FAM131B: variants seen among roughly 807,000 people sequenced by gnomAD.
FAM131B encodes protein FAM131B.
Under a neutral mutation model 42.0 loss-of-function variants are expected in FAM131B, and 19 were observed. The ratio of observed to expected loss-of-function variants is 0.45; its 90% confidence interval spans 0.32 to 0.66. The LOEUF is 0.66. FAM131B is among the 30% of genes least tolerant of loss of function. The probability of loss-of-function intolerance (pLI) is 0.05; values close to 1 mark genes in which losing one functional copy is unlikely to be tolerated. For missense variants in FAM131B, 370 were observed against 468.4 expected (o/e 0.79, Z 1.94); for synonymous variants, 183 against 177.6 (o/e 1.03, Z -0.24).
At chr7:143,357,210 A>G (rs940907038) in intron 6 of FAM131B, 70 bp downstream of exon 6, 2 of 1,497,122 alleles carry the variant, frequency 1.3e-6, no homozygotes, top group Non-Finnish European at 1.8e-6. Flanking sequence ...AACGGAGCTG[A>G]GTGGAGGCAG....
chr7:143,373,960 G>C, the FAM131B span, among the ~76,000 whole-genome samples: 4 of 152,102 alleles, frequency 2.6e-5, no homozygotes, highest in African/African-American at 9.7e-5. Context: ...CCTTGCATCT[G>C]AGTGAGGGTG....
chr7:143,356,680 C>T lies in FAM131B; in HGVS notation c.953G>A (p.Cys318Tyr), dbSNP rs770914806. The change falls in exon 7 of 7, where the codon TGC (cysteine) becomes TAC (tyrosine). Residue 318 changes from cysteine (C) to tyrosine (Y), a missense_variant. By Grantham distance (194) the Cys-to-Tyr change is radical (BLOSUM62 -2). Transcript: ENST00000443739. This position sits in a 1 kb window ranked among gnomAD's most constrained non-coding sequence, Gnocchi z 4.4. Reference sequence around the variant, plus strand: ...TGGGGAAAGTGACTCCAGGTCCCGGCATCCCGCATCCTCTTCCTCCTCAGG... The same window carrying T: ...TGGGGAAAGTGACTCCAGGTCCCGGTATCCCGCATCCTCTTCCTCCTCAGG... ...LAPEEEEDAG[C>Y]RDLESLSPRE... is the part of the protein sequence containing the mutation. 1 of 1,614,148 alleles carries T rather than the reference C, an allele frequency of 6.2e-7. No individual in the cohort carries two copies. Among genetic ancestry groups the T allele is most frequent in the Non-Finnish European group, 8.5e-7 (1 of 1,180,024 alleles).
At chr7:143,365,440 G>C, upstream of FAM131B, among the ~76,000 whole-genome samples, 1 of 152,150 alleles carries the variant, frequency 6.6e-6, no homozygotes, top group East Asian at 1.9e-4. Flanking sequence ...ATATACAATT[G>C]ATTTAAAGAA....
rs765417027 is a variant in FAM131B at position 143,360,030 on chromosome 7, G to A, written c.138+10C>T. 4 of 1,601,696 alleles carry A rather than the reference G, an allele frequency of 2.5e-6. No individual in the cohort carries two copies. In the South Asian group the frequency reaches 4.4e-5, roughly 18 times the overall value. On this transcript the variant is annotated intron_variant, in intron 2 of 6. Coordinates refer to ENST00000443739, the MANE Select transcript of FAM131B (RefSeq NM_001031690.3). ...AGCCAGAGACTTGGGGTGGCTGAGT[G>A]AGGTCTCACCTCAGTCGATGGCCGA...
the FAM131B span, chr7:143,381,574 G>A: frequency 6.2e-7 from 1 of 1,609,918 alleles, no homozygotes; most frequent in Non-Finnish European, 8.5e-7. Flanking sequence ...GCCCGGCCAT[G>A]GCGGCCCCCC....
chr7:143,380,729 C>G, the FAM131B span: 1 of 985,474 alleles, frequency 1.0e-6, no homozygotes, highest in Non-Finnish European at 1.2e-6. The surrounding 1 kb of genome is among the most constrained non-coding windows in gnomAD (Gnocchi z 5.0). Flanking sequence ...CCTCCGGGCA[C>G]AGAGTCAGCT....
rs966878416 is a variant in FAM131B, at chr7:143,356,031, G to A, written c.*519C>T. 69 of 159,812 alleles carry A rather than the reference G, an allele frequency of 4.3e-4. No individual in the cohort carries two copies. Among genetic ancestry groups the A allele is most frequent in the African/African-American group, 1.1e-3 (46 of 41,462 alleles). 9.9% of individuals were successfully genotyped at this position (159,812 alleles called of 1,614,324 possible). ...GTGCCCTTCAGGCAGCCTCCCCTGC[G>A]CCTGTCCAGCCATGTCCAACAGCCC... On this transcript the variant is annotated 3_prime_UTR_variant, in exon 7 of 7. Coordinates refer to ENST00000443739, the MANE Select transcript of FAM131B (RefSeq NM_001031690.3). This position sits in a 1 kb window ranked among gnomAD's most constrained non-coding sequence, Gnocchi z 4.4.
rs958575265 is a variant in FAM131B at position 143,354,581 on chromosome 7, C to G, written c.*1969G>C. ...GACGGGTGGGGAATAGCTGCCAGGG[C>G]GGGCATGCTAGACCACCTCTCAGAG... On this transcript the variant is annotated 3_prime_UTR_variant, in exon 7 of 7. Coordinates refer to ENST00000443739, the MANE Select transcript of FAM131B (RefSeq NM_001031690.3). 4 of 152,120 alleles carry G rather than the reference C, an allele frequency of 2.6e-5. No homozygotes were observed. The highest frequency in any genetic ancestry group is 4.8e-5 in the African/African-American group (2 of 41,398). 9.4% of individuals were successfully genotyped at this position (152,120 alleles called of 1,614,324 possible). A position where few individuals can be genotyped will look rare whatever the true frequency, so the allele number is the denominator to read the frequency against.
chr7:143,381,187 T>G, the FAM131B span: 5 of 991,460 alleles, frequency 5.0e-6, no homozygotes, highest in African/African-American at 8.7e-5. Flanking sequence ...CTGGGGGAGT[T>G]TCCTGCCTGG....
At position 143,359,066 on chromosome 7, in the gene FAM131B, C is replaced by T. The variant is rs1166013969; in HGVS notation, c.269-42G>A. The T allele has an allele frequency of 6.3e-7, 1 of 1,588,084 alleles. No homozygotes were observed. Among genetic ancestry groups the T allele is most frequent in the Non-Finnish European group, 8.6e-7 (1 of 1,162,802 alleles). The stretch of plus-strand genomic sequence containing the variant: ...TTCCCACATCCTCCAGAATATCACA[C>T]AATACCCATAACCAGACCCTCCCAG... On this transcript the variant is annotated intron_variant, in intron 4 of 6. Transcript: ENST00000443739. The surrounding 1 kb of genome is among the most constrained non-coding windows in gnomAD (Gnocchi z 5.4).
chr7:143,361,919 G>C, intron 1 of FAM131B: 3 of 234,654 alleles, frequency 1.3e-5, no homozygotes, highest in African/African-American at 2.6e-5. Flanking sequence ...TCTCCTCCCC[G>C]CGTCCCCCAG....
In FAM131B at chr7:143,358,439, G is replaced by A. The variant is rs190050884; in HGVS notation, c.466+388C>T. ...TTGTCACAAGTAATGAGTCTAGTAGGCAAATTCATGACTCGAAATGCTAAA... is the reference window on the plus strand; with the variant it reads ...TTGTCACAAGTAATGAGTCTAGTAGACAAATTCATGACTCGAAATGCTAAA... On this transcript the variant is annotated intron_variant, in intron 5 of 6. Transcript: ENST00000443739. This position sits in a 1 kb window ranked among gnomAD's most constrained non-coding sequence, Gnocchi z 4.7. 5.3e-5 allele frequency among the ~76,000 whole-genome samples: 8 copies of A among 152,240 alleles called. No individual in the cohort carries two copies. The highest frequency in any genetic ancestry group is 1.3e-4 in the Admixed American group (2 of 15,302).
chr7:143,359,222 G>T lies in FAM131B; in HGVS notation c.268+104C>A, dbSNP rs1262069672. On this transcript the variant is annotated intron_variant, in intron 4 of 6. Transcript: ENST00000443739. This position sits in a 1 kb window ranked among gnomAD's most constrained non-coding sequence, Gnocchi z 5.4. ...GACAGAAGGGTGAATAGGTCAGGGG[G>T]TGGGGATGAGGGTCTTCATCAACCT... is the stretch of plus-strand genomic sequence containing the variant. 3.8e-6 allele frequency: 4 copies of T among 1,041,448 alleles called. No homozygotes were observed. Among genetic ancestry groups the T allele is most frequent in the African/African-American group, 3.1e-5 (2 of 63,878 alleles). 64.5% of individuals were successfully genotyped at this position (1,041,448 alleles called of 1,614,324 possible).
At chr7:143,377,145 C>T in the FAM131B span, among the ~76,000 whole-genome samples, 10 of 151,976 alleles carry the variant, frequency 6.6e-5, no homozygotes, top group Non-Finnish European at 1.3e-4. Context: ...TTTCTAGAGA[C>T]GGGGTTTCTC....
At chr7:143,378,821 C>T in the FAM131B span, among the ~76,000 whole-genome samples, 1 of 152,192 alleles carries the variant, frequency 6.6e-6, no homozygotes, top group East Asian at 1.9e-4. Flanking sequence ...AAGTGATCTG[C>T]CTGCCTTGGC....
chr7:143,362,074 G>C lies in FAM131B; in HGVS notation c.28+502C>G, dbSNP rs1289300514. 1 of 984,952 alleles carries C rather than the reference G, an allele frequency of 1.0e-6. No homozygotes were observed. Among genetic ancestry groups the C allele is most frequent in the Non-Finnish European group, 1.2e-6 (1 of 829,418 alleles). 61.0% of individuals were successfully genotyped at this position (984,952 alleles called of 1,614,324 possible). A position where few individuals can be genotyped will look rare whatever the true frequency, so the allele number is the denominator to read the frequency against. On this transcript the variant is annotated intron_variant, in intron 1 of 6. Coordinates refer to ENST00000443739, the MANE Select transcript of FAM131B (RefSeq NM_001031690.3). The surrounding 1 kb of genome is among the most constrained non-coding windows in gnomAD (Gnocchi z 7.7). Reference sequence around the variant, plus strand: ...CAGTAAAAGGCAACGGAGAGGGAGAGAGAGATGGGGCAAAGCACCCGAGCC... The same window carrying C: ...CAGTAAAAGGCAACGGAGAGGGAGACAGAGATGGGGCAAAGCACCCGAGCC...
In FAM131B at chr7:143,356,547, A is replaced by G. The variant is rs946403288; in HGVS notation, c.*3T>C. 6 of 1,607,116 alleles carry G rather than the reference A, an allele frequency of 3.7e-6. No homozygotes were observed. In the African/African-American group the frequency reaches 8.0e-5, roughly 22 times the overall value. ...GTGGAAGGCAGGGCATTGGGGGAGG[A>G]AACTAGTTGTTGGCCTCGCCTTCCT... On this transcript the variant is annotated 3_prime_UTR_variant, in exon 7 of 7. Transcript: ENST00000443739. The surrounding 1 kb of genome is among the most constrained non-coding windows in gnomAD (Gnocchi z 4.4).
At chr7:143,372,585 C>T in the FAM131B span, among the ~76,000 whole-genome samples, 2 of 152,190 alleles carry the variant, frequency 1.3e-5, no homozygotes. Context: ...ATGGGACTAG[C>T]GTGAATTGAG....
the FAM131B span, chr7:143,380,518 G>C: frequency 3.0e-6 from 3 of 985,504 alleles, no homozygotes; most frequent in Non-Finnish European, 3.6e-6. This position sits in a 1 kb window ranked among gnomAD's most constrained non-coding sequence, Gnocchi z 5.0. Flanking sequence ...CCGTCCTCCC[G>C]GGTCTCCAGT....
Sources: allele counts gnomAD v4.1 joint callset (sites outside exome capture counted in the v4.1 genomes callset), GRCh38; gene constraint gnomAD v4.1.1; non-coding constraint Gnocchi (gnomAD v3.1); transcripts MANE v1.5; gene names NCBI Gene and HGNC (gene_info 2026-07-23, HGNC 2026-07-21).